DENND4C: variants seen among roughly 807,000 people sequenced by gnomAD.
The protein encoded by DENND4C is DENN domain-containing protein 4C.
DENND4C carries 108 observed loss-of-function variants against 203.0 expected under a neutral mutation model. The ratio of observed to expected loss-of-function variants is 0.53; its 90% CI spans 0.46 to 0.62. The LOEUF (loss-of-function observed/expected upper bound fraction) is 0.62. Among genes scored for constraint, DENND4C ranks in the 20% least tolerant of loss-of-function variants. DENND4C has a pLI of 0.00. For missense variants in DENND4C, 2,481 were observed against 2,301.2 expected, an observed-to-expected ratio of 1.08 and a Z score of -1.60; for synonymous variants, 871 against 792.4, an observed-to-expected ratio of 1.10 and a Z score of -1.67.
intron 12 of DENND4C, among the ~76,000 whole-genome samples, chr9:19,321,864 TAGAG>T (rs1451446701): frequency 1.4e-5 from 2 of 143,124 alleles, no homozygotes; most frequent in Non-Finnish European, 3.0e-5. Flanking sequence ...AAATAGCTAA[TAGAG>T]AGGGAGATTT....
At chr9:19,312,094 G>C (rs1009357292) in intron 10 of DENND4C, among the ~76,000 whole-genome samples, 2 of 152,058 alleles carry the variant, frequency 1.3e-5, no homozygotes. Flanking sequence ...AATCACAAAA[G>C]ATATTTTGTT....
intron 22 of DENND4C, among the ~76,000 whole-genome samples, chr9:19,344,009 G>C (rs1361089344): frequency 2.6e-5 from 4 of 152,136 alleles, no homozygotes; most frequent in Non-Finnish European, 5.9e-5. Context: ...TTGTAAAATA[G>C]GTTAGTTTAA....
At chr9:19,231,585 C>T (rs557983791) in intron 1 of DENND4C, among the ~76,000 whole-genome samples, 2 of 151,388 alleles carry the variant, frequency 1.3e-5, no homozygotes, top group African/African-American at 4.8e-5. Context: ...AGACCTTTTC[C>T]CTCTCGAAGA....
chr9:19,262,076 CTTTTTTTTTTTTTTTTTTTT>C (rs60223074), intron 1 of DENND4C, among the ~76,000 whole-genome samples: 1 of 55,444 alleles, frequency 1.8e-5, no homozygotes. Context: ...TTTATTAGTT[CTTTTTTTTTTTTTTTTTTTT>C]TTTTTTTTTG....
chr9:19,254,207 C>A (rs933345346), intron 1 of DENND4C, among the ~76,000 whole-genome samples: 2 of 152,144 alleles, frequency 1.3e-5, no homozygotes, highest in Non-Finnish European at 2.9e-5. Flanking sequence ...AATAGAACTA[C>A]TGTACAATTC....
intron 2 of DENND4C, among the ~76,000 whole-genome samples, chr9:19,285,618 TTTTGG>T (rs1208029801): frequency 3.3e-5 from 5 of 151,848 alleles, no homozygotes; most frequent in African/African-American, 1.2e-4. Flanking sequence ...CTGCTTGTGC[TTTTGG>T]TGTCATATCT....
chr9:19,300,739 T>C (rs1212730959), intron 9 of DENND4C, among the ~76,000 whole-genome samples: 2 of 152,230 alleles, frequency 1.3e-5, no homozygotes, highest in Non-Finnish European at 1.5e-5. Context: ...ATCAGTAATA[T>C]ACAGGAAATT....
chr9:19,268,994 T>G (rs1162070157), intron 1 of DENND4C, among the ~76,000 whole-genome samples: 5 of 152,206 alleles, frequency 3.3e-5, no homozygotes, highest in Non-Finnish European at 7.3e-5. Context: ...GGAAGTTCTC[T>G]GTAGTATATC....
chr9:19,344,320 G>A (rs1489444965), intron 22 of DENND4C, among the ~76,000 whole-genome samples: 1 of 152,190 alleles, frequency 6.6e-6, no homozygotes, highest in Non-Finnish European at 1.5e-5. Context: ...CCACAGACTA[G>A]GTGACTTATA....
At chr9:19,247,208 C>T (rs1277361237) in intron 1 of DENND4C, among the ~76,000 whole-genome samples, 4 of 152,298 alleles carry the variant, frequency 2.6e-5, no homozygotes, top group African/African-American at 9.6e-5. Context: ...TCTCTTTCCT[C>T]ACCTGAAGTT....
intron 3 of DENND4C, among the ~76,000 whole-genome samples, chr9:19,287,835 C>T (rs965628802): frequency 1.3e-5 from 2 of 152,128 alleles, no homozygotes; most frequent in South Asian, 2.1e-4. Flanking sequence ...CAGGTTCAAG[C>T]GATTCTCCTG....
At chr9:19,255,061 T>C (rs1827606402) in intron 1 of DENND4C, among the ~76,000 whole-genome samples, 1 of 151,972 alleles carries the variant, frequency 6.6e-6, no homozygotes, top group African/African-American at 2.4e-5. Flanking sequence ...GGAGAGTCAC[T>C]TGAACCCCGC....
At chr9:19,268,185 G>A (rs888849494) in intron 1 of DENND4C, among the ~76,000 whole-genome samples, 5 of 151,130 alleles carry the variant, frequency 3.3e-5, no homozygotes, top group Non-Finnish European at 5.9e-5. Context: ...CTGTAGCCTC[G>A]ACCTCTCCGG....
chr9:19,254,882 C>T (rs12004064), intron 1 of DENND4C, among the ~76,000 whole-genome samples: 5 of 152,130 alleles, frequency 3.3e-5, no homozygotes, highest in African/African-American at 9.6e-5. Context: ...CTGTAACCCC[C>T]GCACTTTGGG....
intron 23 of DENND4C, among the ~76,000 whole-genome samples, chr9:19,347,534 A>G (rs1823179236): frequency 2.0e-5 from 3 of 152,188 alleles, no homozygotes; most frequent in African/African-American, 2.4e-5. Flanking sequence ...GAATGTTTGT[A>G]TATCTTTTTA....
chr9:19,299,864 A>C (rs962534842), intron 8 of DENND4C, among the ~76,000 whole-genome samples: 1 of 152,188 alleles, frequency 6.6e-6, no homozygotes. Flanking sequence ...TTTCTTGGCT[A>C]TGACAACAGC....
At chr9:19,252,519 C>T (rs1372950448) in intron 1 of DENND4C, among the ~76,000 whole-genome samples, 1 of 152,136 alleles carries the variant, frequency 6.6e-6, no homozygotes, top group African/African-American at 2.4e-5. Context: ...GAGTCTAAGG[C>T]TGTGGTGAGC....
intron 29 of DENND4C, among the ~76,000 whole-genome samples, chr9:19,361,291 T>C (rs1485373325): frequency 6.6e-6 from 1 of 152,236 alleles, no homozygotes; most frequent in Non-Finnish European, 1.5e-5. Flanking sequence ...GTAATTTCTG[T>C]AAGGTGACAT....
At chr9:19,307,116 G>A (rs1042309352) in intron 10 of DENND4C, among the ~76,000 whole-genome samples, 9 of 152,002 alleles carry the variant, frequency 5.9e-5, no homozygotes, top group Admixed American at 2.6e-4. Context: ...TATAAAATGT[G>A]CCCAGGTGTA....
Sources: allele counts gnomAD v4.1 joint callset (sites outside exome capture counted in the v4.1 genomes callset), GRCh38; gene constraint gnomAD v4.1.1; transcripts MANE v1.5; gene names NCBI Gene and HGNC (gene_info 2026-07-23, HGNC 2026-07-21).